The following YEATS2 variants were observed in gnomAD, a reference collection of about 807,000 sequenced individuals.
The protein encoded by YEATS2 is YEATS domain containing 2, also known as YEATS domain-containing protein 2.
YEATS2 carries 77 observed loss-of-function variants against 163.2 expected under a neutral mutation model. The observed-to-expected ratio is 0.47, with a 90% CI of 0.39 to 0.57. The LOEUF is 0.57. Ranked by LOEUF, YEATS2 falls within the 20% of genes least tolerant of loss-of-function variation. YEATS2 has a pLI of 0.00. For missense variants in YEATS2, 1,549 were observed against 1,729.8 expected (o/e 0.90, Z 1.85); for synonymous variants, 631 against 645.1 (o/e 0.98, Z 0.33).
At chr3:183,740,665 G>A (rs887496427) in intron 8 of YEATS2, among the ~76,000 whole-genome samples, 1 of 152,222 alleles carries the variant, frequency 6.6e-6, no homozygotes, top group African/African-American at 2.4e-5. Context: ...ATGTTGGTTC[G>A]TGAGGTTTAA....
chr3:183,765,918 G>T (rs1721856338), intron 15 of YEATS2, among the ~76,000 whole-genome samples: 1 of 151,102 alleles, frequency 6.6e-6, no homozygotes, highest in Non-Finnish European at 1.5e-5. Context: ...CTGTACTCCA[G>T]CCTGGGAGAT....
chr3:183,776,746 G>A (rs1483880481), intron 18 of YEATS2, among the ~76,000 whole-genome samples: 1 of 152,062 alleles, frequency 6.6e-6, no homozygotes, highest in South Asian at 2.1e-4. Context: ...CTGAGGTCAG[G>A]AGTTCAAGAC....
intron 1 of YEATS2, among the ~76,000 whole-genome samples, chr3:183,701,430 A>C (rs569859656): frequency 6.6e-6 from 1 of 152,052 alleles, no homozygotes; most frequent in East Asian, 1.9e-4. Context: ...TCTGTCGCCC[A>C]GGCTGGAGTG....
intron 18 of YEATS2, 34 bp downstream of exon 18, chr3:183,776,157 T>G (rs985592549): frequency 6.6e-7 from 1 of 1,521,036 alleles, no homozygotes; most frequent in African/African-American, 1.4e-5. Context: ...TTTAAATCAT[T>G]TAGCTATTGG....
At position 183,812,005 on chromosome 3, in the gene YEATS2, G is replaced by A. The variant is rs1726847721; in HGVS notation, c.*1422G>A. 1 of 152,164 alleles carries A rather than the reference G, an allele frequency of 6.6e-6. No individual in the cohort carries two copies. The highest frequency in any genetic ancestry group is 2.1e-4 in the South Asian group (1 of 4,828). 9.4% of individuals were successfully genotyped at this position (152,164 alleles called of 1,614,324 possible). ...TCCCAGCACTCTGGGAGGTCGAGGT[G>A]GGTGGGTCACCTGAGGTTGGGAGTT... On this transcript the variant is annotated 3_prime_UTR_variant, in exon 31 of 31. Transcript: ENST00000305135.
chr3:183,774,338 C>T (rs1722761197), intron 17 of YEATS2, among the ~76,000 whole-genome samples: 1 of 152,122 alleles, frequency 6.6e-6, no homozygotes, highest in Non-Finnish European at 1.5e-5. Flanking sequence ...GAGAACTGTG[C>T]ATGCGAGGGA....
At chr3:183,735,134 A>G (rs955757952) in intron 7 of YEATS2, among the ~76,000 whole-genome samples, 2 of 152,192 alleles carry the variant, frequency 1.3e-5, no homozygotes, top group Admixed American at 1.3e-4. Context: ...TAGGCCATGT[A>G]CATAAATTGA....
At chr3:183,807,615 G>A (rs527822617) in intron 28 of YEATS2, 1 of 211,958 alleles carries the variant, frequency 4.7e-6, no homozygotes, top group Non-Finnish European at 9.6e-6. Flanking sequence ...TCTGCCAGTT[G>A]CTCAGGGCCC....
At chr3:183,778,146 T>TG (rs1032108646) in intron 19 of YEATS2, among the ~76,000 whole-genome samples, 1 of 131,110 alleles carries the variant, frequency 7.6e-6, no homozygotes, top group Non-Finnish European at 1.7e-5. Flanking sequence ...AAAGAAAAAA[T>TG]GAACAATAAA....
intron 1 of YEATS2, among the ~76,000 whole-genome samples, chr3:183,707,255 C>G (rs894736127): frequency 2.0e-5 from 3 of 152,222 alleles, no homozygotes; most frequent in Non-Finnish European, 1.5e-5. Flanking sequence ...GCACCTCCAA[C>G]TATGATTCTC....
chr3:183,730,052 GTTTTTTTTTTTTTTTTTTTTTTTTT>G lies in YEATS2; in HGVS notation c.812+1212_812+1236del, dbSNP rs869091775. Among the ~76,000 whole-genome samples the G allele has an allele frequency of 2.4e-4, 10 of 41,700 alleles. 1 individual carries two copies. Among genetic ancestry groups the G allele is most frequent in the Non-Finnish European group, 3.1e-4 (7 of 22,814 alleles). The allele number at this position is 41,700 out of a possible 152,430, so 27.4% of individuals were successfully genotyped here. On this transcript the variant is annotated intron_variant, in intron 7 of 30. Transcript: ENST00000305135. Reference sequence around the variant, plus strand: ...ATATTAATTGTGTGGTTTTTTGTTTGTTTTTTTTTTTTTTTTTTTTTTTTTTTTTTTTTTTGGAGACACATCCTGT... The same window carrying G: ...ATATTAATTGTGTGGTTTTTTGTTTGTTTTTTTTTTGGAGACACATCCTGT...
intron 9 of YEATS2, among the ~76,000 whole-genome samples, chr3:183,748,657 C>CAGT (rs1719827317): frequency 6.6e-6 from 1 of 151,866 alleles, no homozygotes; most frequent in Non-Finnish European, 1.5e-5. Context: ...GGCTGGAGTA[C>CAGT]AGTAACATCA....
At chr3:183,771,455 A>G (rs915090059) in intron 15 of YEATS2, among the ~76,000 whole-genome samples, 1 of 125,814 alleles carries the variant, frequency 7.9e-6, no homozygotes, top group Non-Finnish European at 1.7e-5. Flanking sequence ...AAAAGAATTC[A>G]TTTTACTTTT....
At chr3:183,787,267 T>G (rs1171741911) in intron 20 of YEATS2, among the ~76,000 whole-genome samples, 1 of 152,162 alleles carries the variant, frequency 6.6e-6, no homozygotes, top group Non-Finnish European at 1.5e-5. Context: ...TAACTCCTTT[T>G]AACTTTGTGA....
chr3:183,755,558 G>A (rs1383350273), intron 11 of YEATS2, among the ~76,000 whole-genome samples: 4 of 152,148 alleles, frequency 2.6e-5, no homozygotes, highest in Admixed American at 2.0e-4. Context: ...AGTAGAGGAT[G>A]TTTAACTGTC....
At chr3:183,755,733 CTTCCTTTCTTTTTT>C (rs1720663740) in intron 11 of YEATS2, among the ~76,000 whole-genome samples, 4 of 40,962 alleles carry the variant, frequency 9.8e-5, no homozygotes. Flanking sequence ...GATTTTCTTC[CTTCCTTTCTTTTTT>C]TTTTTTTTTT....
chr3:183,716,030 G>A (rs1273738342), intron 2 of YEATS2, among the ~76,000 whole-genome samples: 1 of 151,970 alleles, frequency 6.6e-6, no homozygotes, highest in Non-Finnish European at 1.5e-5. Context: ...CGTGATCTCG[G>A]CTCACTGCAA....
At chr3:183,775,101 G>C (rs1037669811) in intron 17 of YEATS2, among the ~76,000 whole-genome samples, 1 of 152,166 alleles carries the variant, frequency 6.6e-6, no homozygotes, top group Non-Finnish European at 1.5e-5. Context: ...AGACTTCAAG[G>C]CTTTGAAGTG....
At position 183,747,702 on chromosome 3, in the gene YEATS2, C is replaced by G; in HGVS notation, c.955C>G (p.Leu319Val). 2 of 1,613,172 alleles carry G rather than the reference C, an allele frequency of 1.2e-6. No individual in the cohort carries two copies. The highest frequency in any genetic ancestry group is 2.2e-5 in the East Asian group (1 of 44,806). ...LDRTYTGLQT[L>V]GAETVVDVEL... ...TAGAACTTATACTGGCTTGCAGACT[C>G]TTGGAGCAGAGACGGTAGGTTTTTT... is the stretch of plus-strand genomic sequence containing the variant. The change falls in exon 9 of 31, where the codon CTT becomes GTT. Residue 319 changes from leucine to valine, a missense_variant. Coordinates refer to ENST00000305135, the MANE Select transcript of YEATS2 (RefSeq NM_018023.5).
Sources: gnomAD v4.1 joint callset for allele counts (sites outside exome capture counted in the v4.1 genomes callset) on GRCh38, gnomAD v4.1.1 for gene constraint, MANE v1.5 for transcripts, NCBI Gene and HGNC (gene_info 2026-07-23, HGNC 2026-07-21) for gene names.